The following MRAP2 variants were observed in gnomAD, a reference collection of about 807,000 sequenced individuals.
The protein encoded by MRAP2 is melanocortin-2 receptor accessory protein 2.
A neutral mutation model predicts 17.4 loss-of-function variants in MRAP2; 20 were observed. That is an observed-to-expected ratio of 1.15 (90% CI 0.81 to 1.67). The LOEUF (loss-of-function observed/expected upper bound fraction) is 1.67. MRAP2 is among the 40% of genes most tolerant of loss of function. MRAP2 has a pLI of 0.00. For synonymous variants in MRAP2, 96 were observed against 88.4 expected, an observed-to-expected ratio of 1.09 and a Z score of -0.48; for missense variants, 238 against 240.0, an observed-to-expected ratio of 0.99 and a Z score of 0.05.
chr6:84,080,271 C>T lies in MRAP2; in HGVS notation c.228-8820C>T, dbSNP rs577325665. 5.9e-5 allele frequency among the ~76,000 whole-genome samples: 9 copies of T among 152,078 alleles called. No individual in the cohort carries two copies. In the South Asian group the frequency reaches 1.2e-3, roughly 21 times the overall value. On this transcript the variant is annotated intron_variant, in intron 3 of 3. Transcript: ENST00000257776. ...CAGGATGGTCTGGATCTCCTGACTT[C>T]GTGATCCGCCCGCCTCAGCCTCCCA...
chr6:84,091,529 GC>G (rs1257750027), downstream of MRAP2, among the ~76,000 whole-genome samples: 1 of 152,000 alleles, frequency 6.6e-6, no homozygotes, highest in Admixed American at 6.5e-5. Context: ...ACCATGCCTG[GC>G]CAGAGTTTAA....
chr6:84,065,333 T>C (rs2099494404), intron 3 of MRAP2, among the ~76,000 whole-genome samples: 1 of 151,940 alleles, frequency 6.6e-6, no homozygotes, highest in South Asian at 2.1e-4. Flanking sequence ...AAGGAAAATA[T>C]CATTTTTATT....
At chr6:84,103,598 C>A in the MRAP2 span, among the ~76,000 whole-genome samples, 1 of 152,168 alleles carries the variant, frequency 6.6e-6, no homozygotes, top group African/African-American at 2.4e-5. Flanking sequence ...ATCAATTTTG[C>A]CCTTTATAAA....
the MRAP2 span, among the ~76,000 whole-genome samples, chr6:84,112,956 C>T: frequency 1.3e-5 from 2 of 152,130 alleles, no homozygotes; most frequent in East Asian, 1.9e-4. Flanking sequence ...GCACTGTGGT[C>T]TGAGAGACTG....
chr6:84,117,346 T>C, the MRAP2 span, among the ~76,000 whole-genome samples: 1 of 152,176 alleles, frequency 6.6e-6, no homozygotes, highest in Non-Finnish European at 1.5e-5. Flanking sequence ...TTTTATTTTA[T>C]CTCTGCTGAG....
intron 3 of MRAP2, among the ~76,000 whole-genome samples, chr6:84,070,100 CTGA>C (rs2099495822): frequency 6.6e-6 from 1 of 151,934 alleles, no homozygotes; most frequent in Non-Finnish European, 1.5e-5. Context: ...TAGTTCTGCT[CTGA>C]TGATCTTGGT....
At position 84,033,907 on chromosome 6, in the gene MRAP2, C is replaced by T. The variant is rs891444296; in HGVS notation, c.-8+24C>T. On this transcript the variant is annotated intron_variant, in intron 1 of 3. Coordinates refer to ENST00000257776, the MANE Select transcript of MRAP2 (RefSeq NM_138409.4). Reference sequence around the variant, plus strand: ...CGGTAACCACGGGCGGGACAGGGCGCCCAGGGCGGAGCAAAGCCCGGGCGC... The same window carrying T: ...CGGTAACCACGGGCGGGACAGGGCGTCCAGGGCGGAGCAAAGCCCGGGCGC... 7 of 986,002 alleles carry T rather than the reference C, an allele frequency of 7.1e-6. No homozygotes were observed. In the African/African-American group the frequency reaches 1.0e-4, roughly 15 times the overall value. The allele number at this position is 986,002 out of a possible 1,614,324, so 61.1% of individuals were successfully genotyped here. A position where few individuals can be genotyped will look rare whatever the true frequency, so the allele number is the denominator to read the frequency against.
At chr6:84,059,743 AGTGTG>A (rs1307209477) in intron 2 of MRAP2, among the ~76,000 whole-genome samples, 3 of 152,156 alleles carry the variant, frequency 2.0e-5, no homozygotes, top group Admixed American at 6.5e-5. Flanking sequence ...GACAGGACAG[AGTGTG>A]GTAGCTTGGC....
chr6:84,127,581 T>G, the MRAP2 span, among the ~76,000 whole-genome samples: 1 of 152,176 alleles, frequency 6.6e-6, no homozygotes, highest in African/African-American at 2.4e-5. Flanking sequence ...TTAAAATTAT[T>G]TTTTAAAAAA....
intron 3 of MRAP2, among the ~76,000 whole-genome samples, chr6:84,074,178 C>T (rs530274022): frequency 3.0e-4 from 46 of 152,272 alleles, no homozygotes; most frequent in Admixed American, 1.2e-3. Context: ...GTTATATCTA[C>T]ACTTTCAAAA....
the MRAP2 span, among the ~76,000 whole-genome samples, chr6:84,111,267 C>T: frequency 6.6e-6 from 1 of 152,146 alleles, no homozygotes; most frequent in South Asian, 2.1e-4. Flanking sequence ...TGTTTGTGTC[C>T]TCTCTTATTT....
chr6:84,076,217 C>A (rs1050163238), intron 3 of MRAP2, among the ~76,000 whole-genome samples: 2 of 149,638 alleles, frequency 1.3e-5, no homozygotes, highest in African/African-American at 5.1e-5. Flanking sequence ...TCCACTACAC[C>A]CAGCTAATTT....
At chr6:84,073,461 C>T (rs2099496758) in intron 3 of MRAP2, among the ~76,000 whole-genome samples, 1 of 152,210 alleles carries the variant, frequency 6.6e-6, no homozygotes, top group Non-Finnish European at 1.5e-5. Flanking sequence ...CAGGAGCAAT[C>T]TGCTTCCTTC....
chr6:84,085,046 C>T (rs1342458866), intron 3 of MRAP2, among the ~76,000 whole-genome samples: 2 of 151,042 alleles, frequency 1.3e-5, no homozygotes, highest in African/African-American at 4.9e-5. Context: ...GTGTTGCACC[C>T]ATTAACTCAT....
the MRAP2 span, among the ~76,000 whole-genome samples, chr6:84,108,456 T>C: frequency 1.3e-5 from 2 of 152,176 alleles, no homozygotes; most frequent in Non-Finnish European, 2.9e-5. Flanking sequence ...TTTTTATATG[T>C]GTGCTGGCCA....
At position 84,062,023 on chromosome 6, in the gene MRAP2, C is replaced by T. The variant is rs532621444; in HGVS notation, c.128-870C>T. On this transcript the variant is annotated intron_variant, in intron 2 of 3. Coordinates refer to ENST00000257776, the MANE Select transcript of MRAP2 (RefSeq NM_138409.4). Reference sequence around the variant, plus strand: ...GCACTCAAGAGGCCATCTGTATGTTCTCTGCAAGAAGTAATGAGAGCCTGA... The same window carrying T: ...GCACTCAAGAGGCCATCTGTATGTTTTCTGCAAGAAGTAATGAGAGCCTGA... 18 of 985,426 alleles carry T rather than the reference C, an allele frequency of 1.8e-5. No homozygotes were observed. In the South Asian group the frequency reaches 7.5e-4, roughly 41 times the overall value. The allele number at this position is 985,426 out of a possible 1,614,324, so 61.0% of individuals were successfully genotyped here.
At chr6:84,094,835 GT>G (rs1349004102), downstream of MRAP2, among the ~76,000 whole-genome samples, 2 of 151,950 alleles carry the variant, frequency 1.3e-5, no homozygotes, top group African/African-American at 4.8e-5. Flanking sequence ...GGGACTACAG[GT>G]GCGCACCACC....
Position 84,038,857 on chromosome 6 carries a change from T to A in MRAP2, c.-8+4974T>A, listed in dbSNP as rs539558820. On this transcript the variant is annotated intron_variant, in intron 1 of 3. Transcript: ENST00000257776. The stretch of plus-strand genomic sequence containing the variant: ...ATCATGGGATCTACTCAAGTATTTG[T>A]TTGAGGGCAGGGAAGATGAATCCCT... Among the ~76,000 whole-genome samples, 322 of 152,264 alleles carry A rather than the reference T, an allele frequency of 2.1e-3. 2 individuals carry two copies. Among genetic ancestry groups the A allele is most frequent in the African/African-American group, 7.6e-3 (314 of 41,556 alleles).
chr6:84,034,938 A>G (rs915090601), intron 1 of MRAP2, among the ~76,000 whole-genome samples: 14 of 152,158 alleles, frequency 9.2e-5, no homozygotes, highest in Non-Finnish European at 1.6e-4. Flanking sequence ...TGCATGGGGT[A>G]CACAGACAAG....
Sources: gnomAD v4.1 joint callset for allele counts (sites outside exome capture counted in the v4.1 genomes callset) on GRCh38, gnomAD v4.1.1 for gene constraint, MANE v1.5 for transcripts, NCBI Gene and HGNC (gene_info 2026-07-23, HGNC 2026-07-21) for gene names.